The following GRIK3 variants were observed in gnomAD, a reference collection of about 807,000 sequenced individuals.
GRIK3 encodes the protein glutamate ionotropic receptor kainate type subunit 3.
In GRIK3, 29 loss-of-function variants were observed where a neutral mutation model predicts 102.5. The observed-to-expected ratio is 0.28, with a 90% CI of 0.21 to 0.39. The LOEUF is 0.39. Among genes scored for constraint, GRIK3 ranks in the 10% least tolerant of loss-of-function variants. The probability of loss-of-function intolerance (pLI) is 1.00; values close to 1 mark genes in which losing one functional copy is unlikely to be tolerated. For missense variants in GRIK3, 908 were observed against 1,252.4 expected (o/e 0.73, Z 4.15); for synonymous variants, 511 against 504.9 (o/e 1.01, Z -0.16).
At chr1:37,032,045 C>G (rs182193327) in intron 1 of GRIK3, among the ~76,000 whole-genome samples, 1 of 152,308 alleles carries the variant, frequency 6.6e-6, no homozygotes, top group Admixed American at 6.5e-5. Flanking sequence ...GCTAATTAAT[C>G]CTGGGGCTTA....
intron 1 of GRIK3, among the ~76,000 whole-genome samples, chr1:37,032,792 C>A (rs994432841): frequency 7.2e-5 from 11 of 152,260 alleles, no homozygotes; most frequent in African/African-American, 1.9e-4. Context: ...CCCGGGCGGC[C>A]GCCCAGGAGG....
At chr1:36,874,344 A>T (rs1297016984) in intron 3 of GRIK3, among the ~76,000 whole-genome samples, 1 of 152,136 alleles carries the variant, frequency 6.6e-6, no homozygotes, top group Non-Finnish European at 1.5e-5. Context: ...TAAGCCTCCT[A>T]AAGAGCTTCC....
intron 10 of GRIK3, among the ~76,000 whole-genome samples, chr1:36,836,068 T>C (rs573186777): frequency 6.6e-6 from 1 of 152,334 alleles, no homozygotes; most frequent in South Asian, 2.1e-4. Context: ...CCCTCCAGGA[T>C]TCTGACTTGC....
At chr1:36,845,300 C>A (rs541785237) in intron 9 of GRIK3, among the ~76,000 whole-genome samples, 1 of 152,236 alleles carries the variant, frequency 6.6e-6, no homozygotes, top group African/African-American at 2.4e-5. Flanking sequence ...CATAACTTCA[C>A]GCTCTTCTAT....
intron 11 of GRIK3, among the ~76,000 whole-genome samples, chr1:36,824,070 G>C (rs893025129): frequency 6.6e-6 from 1 of 152,094 alleles, no homozygotes; most frequent in South Asian, 2.1e-4. Context: ...CTTCTCAGGG[G>C]TCTCCTATCA....
At chr1:36,854,832 G>A (rs1362881972) in intron 7 of GRIK3, among the ~76,000 whole-genome samples, 6 of 152,156 alleles carry the variant, frequency 3.9e-5, no homozygotes, top group Non-Finnish European at 5.9e-5. Flanking sequence ...CATGGGAGGT[G>A]GCCACGCAAG....
At chr1:36,823,609 C>A (rs1378077686) in intron 11 of GRIK3, among the ~76,000 whole-genome samples, 4 of 151,844 alleles carry the variant, frequency 2.6e-5, no homozygotes, top group Non-Finnish European at 5.9e-5. Flanking sequence ...CTGCCTGGTA[C>A]AACCTGTTGG....
intron 1 of GRIK3, among the ~76,000 whole-genome samples, chr1:36,948,817 G>A (rs985074768): frequency 1.3e-5 from 2 of 152,092 alleles, no homozygotes; most frequent in African/African-American, 4.8e-5. Flanking sequence ...CCCACTGCCC[G>A]CCAGGTGGAC....
intron 1 of GRIK3, among the ~76,000 whole-genome samples, chr1:37,012,186 T>C (rs142031920): frequency 6.6e-6 from 1 of 152,290 alleles, no homozygotes; most frequent in African/African-American, 2.4e-5. Context: ...GCCTATTGAG[T>C]TTTCATCAAA....
chr1:36,804,886 G>T (rs1557686543), intron 15 of GRIK3, 101 bp downstream of exon 15: 2 of 1,425,012 alleles, frequency 1.4e-6, no homozygotes, highest in Non-Finnish European at 1.9e-6. Context: ...GCTGTTGTGA[G>T]GCTGAGATGA....
intron 15 of GRIK3, among the ~76,000 whole-genome samples, chr1:36,802,728 C>T (rs1211999429): frequency 1.3e-5 from 2 of 152,186 alleles, no homozygotes; most frequent in African/African-American, 2.4e-5. Flanking sequence ...CTGCAGCTTG[C>T]ATGGAAGGCA....
chr1:36,896,578 AG>A (rs1641175416), intron 1 of GRIK3, among the ~76,000 whole-genome samples: 1 of 152,204 alleles, frequency 6.6e-6, no homozygotes, highest in South Asian at 2.1e-4. Context: ...AAGGCAGAAA[AG>A]GGCTGGAAGG....
chr1:36,936,963 G>A (rs1258839030), intron 1 of GRIK3, among the ~76,000 whole-genome samples: 1 of 152,174 alleles, frequency 6.6e-6, no homozygotes, highest in South Asian at 2.1e-4. Flanking sequence ...CGGGGGGTAG[G>A]ATCCCCGCCA....
At chr1:37,017,765 C>T (rs903087220) in intron 1 of GRIK3, among the ~76,000 whole-genome samples, 4 of 152,196 alleles carry the variant, frequency 2.6e-5, no homozygotes, top group Admixed American at 6.5e-5. Flanking sequence ...CTAGAGATAA[C>T]ACCTCTGACG....
At position 36,980,946 on chromosome 1, in the gene GRIK3, T is replaced by G. The variant is rs12024875; in HGVS notation, c.115+53048A>C. On this transcript the variant is annotated intron_variant, in intron 1 of 15. Coordinates refer to ENST00000373091, the MANE Select transcript of GRIK3 (RefSeq NM_000831.4). ...TTTGCCCCCTTCCTGTCCCATCAGCTTGGCCAAGAAACAATGAGTGGATGA... is the reference window on the plus strand; with the variant it reads ...TTTGCCCCCTTCCTGTCCCATCAGCGTGGCCAAGAAACAATGAGTGGATGA... Among the ~76,000 whole-genome samples, 52 of 152,000 alleles carry G rather than the reference T, an allele frequency of 3.4e-4. 1 individual carries two copies. In the East Asian group the frequency reaches 0.01, roughly 29 times the overall value.
chr1:36,807,024 T>C (rs1642508880), intron 13 of GRIK3, among the ~76,000 whole-genome samples: 1 of 152,124 alleles, frequency 6.6e-6, no homozygotes, highest in Non-Finnish European at 1.5e-5. Flanking sequence ...TCTACTTCAT[T>C]ACTGTGAGGA....
chr1:36,962,528 C>T (rs1397973543), intron 1 of GRIK3, among the ~76,000 whole-genome samples: 2 of 151,806 alleles, frequency 1.3e-5, no homozygotes, highest in African/African-American at 4.8e-5. Context: ...CCCAGAAGAC[C>T]TGGAGACTCC....
At chr1:36,896,317 T>C (rs1448784097) in intron 1 of GRIK3, among the ~76,000 whole-genome samples, 2 of 152,186 alleles carry the variant, frequency 1.3e-5, no homozygotes, top group African/African-American at 4.8e-5. Context: ...TATCCACTTA[T>C]GTATGCTTAT....
chr1:36,979,096 G>A (rs1309297245), intron 1 of GRIK3, among the ~76,000 whole-genome samples: 2 of 152,356 alleles, frequency 1.3e-5, no homozygotes, highest in Middle Eastern at 6.8e-3. Context: ...AAGCAGATCA[G>A]GGTTGCTACT....
Sources: gnomAD v4.1 joint callset for allele counts (sites outside exome capture counted in the v4.1 genomes callset) on GRCh38, gnomAD v4.1.1 for gene constraint, MANE v1.5 for transcripts, NCBI Gene and HGNC (gene_info 2026-07-23, HGNC 2026-07-21) for gene names.